Variants in SLF1 observed in about 807,000 individuals in gnomAD.
The protein encoded by SLF1 is SMC5-SMC6 complex localization factor protein 1.
Under a neutral mutation model 123.0 loss-of-function variants are expected in SLF1, and 105 were observed. That is an observed-to-expected ratio of 0.85 (90% CI 0.73 to 1.00). The LOEUF is 1.00. Among genes scored for constraint, SLF1 ranks in the 50% least tolerant of loss-of-function variants. The pLI is 0.00. For synonymous variants in SLF1, 434 were observed against 406.6 expected (o/e 1.07, Z -0.81); for missense variants, 1,239 against 1,223.0 (o/e 1.01, Z -0.20).
intron 4 of SLF1, 96 bp downstream of exon 4, chr5:94,630,839 A>G (rs972388682): frequency 1.5e-6 from 2 of 1,343,264 alleles, no homozygotes; most frequent in Non-Finnish European, 2.0e-6. Context: ...TATTAGCCCA[A>G]ATGAGCCATG....
chr5:94,663,780 T>C lies in SLF1; in HGVS notation c.1240T>C (p.Leu414=). Reference sequence around the variant, plus strand: ...AAATGCTGAATTTCCCAGAGGTGTATTAAATTTAATTGAAAGCCTCATAGA... The same window carrying C: ...AAATGCTGAATTTCCCAGAGGTGTACTAAATTTAATTGAAAGCCTCATAGA... The part of the protein sequence containing the change: ...VKNAEFPRGV[L]NLIESLIEGH... The change falls in exon 11 of 21, where the codon TTA becomes CTA. Residue 414 remains leucine (L), a synonymous_variant. Coordinates refer to ENST00000265140, the MANE Select transcript of SLF1 (RefSeq NM_032290.4). The C allele has an allele frequency of 6.5e-7, 1 of 1,545,940 alleles. No individual in the cohort carries two copies. The highest frequency in any genetic ancestry group is 1.2e-5 in the South Asian group (1 of 82,108).
At chr5:94,675,816 A>G (rs1052538562) in intron 14 of SLF1, among the ~76,000 whole-genome samples, 2 of 151,934 alleles carry the variant, frequency 1.3e-5, no homozygotes, top group East Asian at 1.9e-4. Context: ...TAAATTTAAT[A>G]TTAAGCAATA....
chr5:94,643,494 C>T (rs1007463596), intron 5 of SLF1, 59 bp downstream of exon 5: 57 of 1,149,932 alleles, frequency 5.0e-5, no homozygotes, highest in Non-Finnish European at 6.2e-5. Context: ...TTATAAAATA[C>T]CAACATAGTA....
At chr5:94,636,689 G>A (rs780541755) in intron 4 of SLF1, among the ~76,000 whole-genome samples, 79 of 128,236 alleles carry the variant, frequency 6.2e-4, no homozygotes, top group Non-Finnish European at 1.3e-3. Context: ...TTTTTAATCT[G>A]TATGTTCTTG....
chr5:94,637,433 G>A (rs1299627866), intron 4 of SLF1, among the ~76,000 whole-genome samples: 14 of 152,080 alleles, frequency 9.2e-5, no homozygotes, highest in Admixed American at 9.2e-4. Flanking sequence ...GCTAGGCACT[G>A]CAATTGTCTC....
Position 94,651,887 on chromosome 5 carries a change from A to G in SLF1, c.882+42A>G, listed in dbSNP as rs575989349. 1,369 of 1,015,442 alleles carry G rather than the reference A, an allele frequency of 1.3e-3. 11 individuals are homozygous for G. Among genetic ancestry groups the G allele is most frequent in the Non-Finnish European group, 9.5e-4 (719 of 756,376 alleles). 62.9% of individuals were successfully genotyped at this position (1,015,442 alleles called of 1,614,324 possible). A position where few individuals can be genotyped will look rare whatever the true frequency, so the allele number is the denominator to read the frequency against. ...TAAAAATAATTTATTTTTAATATATATAGTGTTTATAGAACAGTTTTCTTT... is the reference window on the plus strand; with the variant it reads ...TAAAAATAATTTATTTTTAATATATGTAGTGTTTATAGAACAGTTTTCTTT... On this transcript the variant is annotated intron_variant, in intron 7 of 20. Coordinates refer to ENST00000265140, the MANE Select transcript of SLF1 (RefSeq NM_032290.4).
chr5:94,693,207 A>T (rs769763712), intron 20 of SLF1, among the ~76,000 whole-genome samples: 2 of 152,080 alleles, frequency 1.3e-5, no homozygotes, highest in Non-Finnish European at 2.9e-5. Context: ...ACATTTGGTT[A>T]TATATAGTCT....
chr5:94,625,020 A>G (rs529536288), intron 1 of SLF1, among the ~76,000 whole-genome samples: 6 of 151,178 alleles, frequency 4.0e-5, no homozygotes, highest in African/African-American at 1.5e-4. Flanking sequence ...CCCCATTTCT[A>G]CTAAAAAGAC....
chr5:94,629,429 T>G (rs1744966311), intron 3 of SLF1, among the ~76,000 whole-genome samples: 1 of 152,082 alleles, frequency 6.6e-6, no homozygotes, highest in Non-Finnish European at 1.5e-5. Flanking sequence ...AAAAAATACA[T>G]TAATGAAAAG....
chr5:94,620,262 C>A (rs891173218), intron 1 of SLF1: 1 of 152,208 alleles, frequency 6.6e-6, no homozygotes, highest in Non-Finnish European at 1.5e-5. Flanking sequence ...AGCGAACCTT[C>A]AGTACTGCAA....
intron 5 of SLF1, among the ~76,000 whole-genome samples, chr5:94,644,686 T>C (rs1746812482): frequency 6.6e-6 from 1 of 152,202 alleles, no homozygotes; most frequent in Admixed American, 6.5e-5. Context: ...ACAATGTTAC[T>C]CTACAGGGAA....
intron 17 of SLF1, among the ~76,000 whole-genome samples, chr5:94,688,890 T>C (rs1231381011): frequency 6.6e-6 from 1 of 152,218 alleles, no homozygotes; most frequent in African/African-American, 2.4e-5. Flanking sequence ...CATCAAATTA[T>C]TGATGAATTA....
intron 17 of SLF1, among the ~76,000 whole-genome samples, chr5:94,689,265 G>C (rs1271872122): frequency 6.6e-6 from 1 of 152,078 alleles, no homozygotes; most frequent in Non-Finnish European, 1.5e-5. Flanking sequence ...GAGCAGTTGG[G>C]GGAGTAGGAC....
At chr5:94,661,829 G>A (rs1327266918) in intron 9 of SLF1, among the ~76,000 whole-genome samples, 2 of 152,092 alleles carry the variant, frequency 1.3e-5, no homozygotes, top group Admixed American at 6.5e-5. Context: ...GAGCCACAGC[G>A]CCCAGCCTCA....
chr5:94,639,917 C>T (rs183112447), intron 4 of SLF1, among the ~76,000 whole-genome samples: 8 of 152,190 alleles, frequency 5.3e-5, no homozygotes, highest in Admixed American at 3.3e-4. Context: ...GTGTTGTTCA[C>T]GGGTCAACTG....
At chr5:94,692,659 A>G (rs893127075) in intron 20 of SLF1, among the ~76,000 whole-genome samples, 3 of 152,274 alleles carry the variant, frequency 2.0e-5, no homozygotes, top group African/African-American at 7.2e-5. Flanking sequence ...CCTGTATGTA[A>G]CTACAAACTC....
intron 13 of SLF1, 117 bp from the exon 14 acceptor site, chr5:94,670,726 T>C: frequency 4.1e-6 from 3 of 724,704 alleles, no homozygotes; most frequent in Non-Finnish European, 2.2e-6. Flanking sequence ...TTATAATCTT[T>C]ATATTTTATG....
rs556072334 is a variant in SLF1 at position 94,686,648 on chromosome 5, C to T, written c.2051C>T (p.Ala684Val). ...TGGCTTCAAATGTTTGTTGCAGAGG[C>T]AGTCTTTAAAAAGTTGTGTCTACAG... The part of the protein sequence containing the change: ...SSWLQMFVAE[A>V]VFKKLCLQSS... The change falls in exon 16 of 21, where the codon GCA becomes GTA. Residue 684 changes from alanine (A) to valine (V), a missense_variant. Transcript: ENST00000265140. The T allele has an allele frequency of 3.1e-6, 5 of 1,614,048 alleles. No individual in the cohort carries two copies. Among genetic ancestry groups the T allele is most frequent in the Non-Finnish European group, 4.2e-6 (5 of 1,179,920 alleles).
chr5:94,686,287 A>G (rs1170361502), intron 15 of SLF1, among the ~76,000 whole-genome samples: 1 of 152,248 alleles, frequency 6.6e-6, no homozygotes, highest in Non-Finnish European at 1.5e-5. Flanking sequence ...CTATATATTC[A>G]TATATTACCT....
Sources: allele counts gnomAD v4.1 joint callset (sites outside exome capture counted in the v4.1 genomes callset), GRCh38; gene constraint gnomAD v4.1.1; transcripts MANE v1.5; gene names NCBI Gene and HGNC (gene_info 2026-07-23, HGNC 2026-07-21).